The following EML6 variants were observed in gnomAD, a reference collection of about 807,000 sequenced individuals.
EML6 encodes the protein echinoderm microtubule-associated protein-like 6.
A neutral mutation model predicts 240.1 loss-of-function variants in EML6; 154 were observed. That is an observed-to-expected ratio of 0.64 (90% CI 0.56 to 0.73). EML6 has a LOEUF of 0.73. Among genes scored for constraint, EML6 ranks in the 30% least tolerant of loss-of-function variants. EML6 has a pLI of 0.00. For synonymous variants in EML6, 1,148 were observed against 899.0 expected (o/e 1.28, Z -4.95); for missense variants, 2,964 against 2,474.6 (o/e 1.20, Z -4.20).
At chr2:54,933,407 T>C (rs1674963160) in intron 28 of EML6, among the ~76,000 whole-genome samples, 1 of 152,172 alleles carries the variant, frequency 6.6e-6, no homozygotes, top group African/African-American at 2.4e-5. Flanking sequence ...TTTCTTGTCA[T>C]ATATATTCTC....
Position 54,813,377 on chromosome 2 carries a change from G to C in EML6, c.343G>C (p.Asp115His). 1 of 1,551,222 alleles carries C rather than the reference G, an allele frequency of 6.4e-7. No homozygotes were observed. The highest frequency in any genetic ancestry group is 8.7e-7 in the Non-Finnish European group (1 of 1,146,624). Reference sequence around the variant, plus strand: ...ACATGGAGTTGCCTGCCTGGCTTTTGACTCAGATGGACAGGTGTGTATCTT... The same window carrying C: ...ACATGGAGTTGCCTGCCTGGCTTTTCACTCAGATGGACAGGTGTGTATCTT... ...HTHGVACLAF[D>H]SDGQRLASVG... is the part of the protein sequence containing the mutation. The change falls in exon 3 of 42, where the codon GAC becomes CAC. Residue 115 changes from aspartate to histidine, a missense_variant. Asp to His is a moderately conservative substitution (Grantham distance 81, BLOSUM62 -1). Transcript: ENST00000356458.
At chr2:54,870,331 T>A (rs1558633746) in intron 15 of EML6, among the ~76,000 whole-genome samples, 1 of 149,912 alleles carries the variant, frequency 6.7e-6, no homozygotes, top group Non-Finnish European at 1.5e-5. Flanking sequence ...AATTTTTTTT[T>A]AAAAGGGTTG....
chr2:54,850,872 A>C (rs2103750068), intron 10 of EML6, among the ~76,000 whole-genome samples: 1 of 152,350 alleles, frequency 6.6e-6, no homozygotes, highest in Middle Eastern at 3.4e-3. Flanking sequence ...GAACTTGAAT[A>C]AATTAAACTA....
chr2:54,860,815 T>C (rs1670633920), intron 12 of EML6, among the ~76,000 whole-genome samples: 1 of 152,088 alleles, frequency 6.6e-6, no homozygotes, highest in South Asian at 2.1e-4. Flanking sequence ...CAGCTCCTCA[T>C]TTCTCCCCAG....
Position 54,869,364 on chromosome 2 carries a change from G to A in EML6, c.2235G>A (p.Gly745=), listed in dbSNP as rs911226308. The A allele has an allele frequency of 3.9e-6, 6 of 1,547,030 alleles. No homozygotes were observed. In the African/African-American group the frequency reaches 5.5e-5, roughly 14 times the overall value. ...CAGTGAAGGACTATGTGGCTACTGG[G>A]CAGGTATCTATCTCCTGTAAACTAG... ...IHPVKDYVAT[G]QVGRDAAIHV... is the part of the protein sequence containing the mutation. Residue 745 remains glycine, a synonymous_variant, in exon 15 of 42, where the codon GGG becomes GGA. Transcript: ENST00000356458.
chr2:54,732,529 A>T lies in EML6; in HGVS notation c.197+7271A>T, dbSNP rs1683219971. Among the ~76,000 whole-genome samples, 4 of 152,188 alleles carry T rather than the reference A, an allele frequency of 2.6e-5. No homozygotes were observed. In the South Asian group the frequency reaches 8.3e-4, roughly 32 times the overall value. On this transcript the variant is annotated intron_variant, in intron 2 of 41. Coordinates refer to ENST00000356458, the MANE Select transcript of EML6 (RefSeq NM_001039753.4). ...TTGCATGTGGATATCTGGTTGTCCC[A>T]ACATCGTTTGTTGAAAAGACTACTT...
chr2:54,843,961 G>T lies in EML6; in HGVS notation c.848-86G>T, dbSNP rs1031269840. On this transcript the variant is annotated intron_variant, in intron 7 of 41. Coordinates refer to ENST00000356458, the MANE Select transcript of EML6 (RefSeq NM_001039753.4). ...CTGGTTAAAGGGCATTTACTTTAGGGTTTTGTGTGTGTGTGTGTGTGTGTG... is the reference window on the plus strand; with the variant it reads ...CTGGTTAAAGGGCATTTACTTTAGGTTTTTGTGTGTGTGTGTGTGTGTGTG... 2.2e-4 allele frequency: 114 copies of T among 511,488 alleles called. 1 individual carries two copies. In the South Asian group the frequency reaches 3.6e-3, roughly 16 times the overall value. The allele number at this position is 511,488 out of a possible 1,614,324, so 31.7% of individuals were successfully genotyped here.
At chr2:54,881,891 A>G (rs984925676) in intron 17 of EML6, 3 of 152,282 alleles carry the variant, frequency 2.0e-5, no homozygotes, top group African/African-American at 7.2e-5. Context: ...TGTTTTGGCA[A>G]GGGTGATTGT....
intron 11 of EML6, among the ~76,000 whole-genome samples, chr2:54,858,025 A>T (rs142782372): frequency 2.0e-5 from 3 of 152,204 alleles, no homozygotes; most frequent in Non-Finnish European, 4.4e-5. Context: ...TTATTATATC[A>T]TGGTTTCTGG....
rs267599412 is a variant in EML6, at chr2:54,964,120, G to A, written c.5292G>A (p.Gly1764=). The A allele has an allele frequency of 3.2e-6, 5 of 1,551,472 alleles. No individual in the cohort carries two copies. The East Asian group carries it at 9.8e-5, about 30-fold the overall frequency. ...ILLVNSLKVW[G]KKRDRKSAIQ... The stretch of plus-strand genomic sequence containing the variant: ...TGGTGAACAGCCTGAAAGTTTGGGG[G>A]AAAAAACGAGACCGGAAATCTGCTA... Residue 1764 remains glycine, a synonymous_variant, in exon 37 of 42, where the codon GGG becomes GGA. Transcript: ENST00000356458.
chr2:54,960,903 T>C (rs1676464489), intron 35 of EML6, among the ~76,000 whole-genome samples: 1 of 152,120 alleles, frequency 6.6e-6, no homozygotes, highest in East Asian at 1.9e-4. Flanking sequence ...ACCTGTATGT[T>C]TCCTTCTATT....
chr2:54,946,725 C>T (rs1675711033), intron 28 of EML6, among the ~76,000 whole-genome samples: 1 of 152,106 alleles, frequency 6.6e-6, no homozygotes, highest in Non-Finnish European at 1.5e-5. Flanking sequence ...GGTGAACATC[C>T]AGTACTAAGT....
chr2:54,755,044 G>A (rs4671973), intron 2 of EML6, among the ~76,000 whole-genome samples: 74,172 of 152,092 alleles, frequency 0.49, 18,956 homozygotes, highest in African/African-American at 0.64. Flanking sequence ...ATTTAGGTCT[G>A]TGATCCAATG....
At chr2:54,852,963 T>C (rs1670170805) in intron 10 of EML6, among the ~76,000 whole-genome samples, 1 of 152,264 alleles carries the variant, frequency 6.6e-6, no homozygotes, top group Admixed American at 6.5e-5. Flanking sequence ...TTTGGGAATA[T>C]ACACAGCACA....
chr2:54,847,547 A>G lies in EML6; in HGVS notation c.1111A>G (p.Ser371Gly). 2 of 1,552,240 alleles carry G rather than the reference A, an allele frequency of 1.3e-6. No individual in the cohort carries two copies. Among genetic ancestry groups the G allele is most frequent in the Non-Finnish European group, 1.7e-6 (2 of 1,147,116 alleles). ...ARCNMEEAVR[S>G]VAFSPDGSQL... is the part of the protein sequence containing the mutation. The stretch of plus-strand genomic sequence containing the variant: ...CTGTAACATGGAAGAGGCGGTTCGC[A>G]GTGTAGCTTTCAGCCCCGACGGATC... The change falls in exon 9 of 42, where the codon AGT (serine) becomes GGT (glycine). Residue 371 changes from serine to glycine, a missense_variant. Coordinates refer to ENST00000356458, the MANE Select transcript of EML6 (RefSeq NM_001039753.4).
At chr2:54,914,334 A>C (rs1285119520) in intron 25 of EML6, among the ~76,000 whole-genome samples, 2 of 152,062 alleles carry the variant, frequency 1.3e-5, no homozygotes, top group Non-Finnish European at 2.9e-5. Flanking sequence ...AAGCCTCTCA[A>C]TTTCTCCTGT....
intron 16 of EML6, among the ~76,000 whole-genome samples, chr2:54,878,888 A>T (rs1043736195): frequency 1.3e-5 from 2 of 152,224 alleles, no homozygotes; most frequent in Non-Finnish European, 2.9e-5. Context: ...TTGGTAGGAT[A>T]TATATCAAAT....
intron 24 of EML6, among the ~76,000 whole-genome samples, chr2:54,904,985 C>T (rs551984272): frequency 3.9e-5 from 6 of 152,104 alleles, no homozygotes; most frequent in Non-Finnish European, 8.8e-5. Context: ...GAGTTTTATA[C>T]GGTGCAGTAG....
At chr2:54,848,628 CT>C (rs1669903844) in intron 9 of EML6, among the ~76,000 whole-genome samples, 1 of 151,782 alleles carries the variant, frequency 6.6e-6, no homozygotes, top group Admixed American at 6.6e-5. Context: ...GTATGAGCGA[CT>C]GTTATGTAGA....
Sources: gnomAD v4.1 joint callset for allele counts (sites outside exome capture counted in the v4.1 genomes callset) on GRCh38, gnomAD v4.1.1 for gene constraint, MANE v1.5 for transcripts, NCBI Gene and HGNC (gene_info 2026-07-23, HGNC 2026-07-21) for gene names.